Variants in CDH4 observed in about 807,000 individuals in gnomAD.
CDH4 encodes the protein cadherin-4.
Under a neutral mutation model 86.0 loss-of-function variants are expected in CDH4, and 33 were observed. The observed-to-expected ratio is 0.38, with a 90% CI of 0.29 to 0.51. The LOEUF is 0.51. Among genes scored for constraint, CDH4 ranks in the 20% least tolerant of loss-of-function variants. CDH4 has a pLI of 0.86. For missense variants in CDH4, 1,114 were observed against 1,307.4 expected (o/e 0.85, Z 2.28); for synonymous variants, 555 against 549.4 (o/e 1.01, Z -0.14).
chr20:61,403,030 C>T lies in CDH4; in HGVS notation c.169+148093C>T, dbSNP rs180953555. Among the ~76,000 whole-genome samples, 356 of 152,304 alleles carry T rather than the reference C, an allele frequency of 2.3e-3. 1 individual carries two copies. The highest frequency in any genetic ancestry group is 0.01 in the Middle Eastern group (3 of 294). On this transcript the variant is annotated intron_variant, in intron 2 of 15. Transcript: ENST00000614565. ...GCTGACCACTGTGATTAAGTGGAAA[C>T]ATTTTGTGGGACTTCCAGAAAGTTA...
At chr20:61,618,170 G>A (rs555138805) in intron 2 of CDH4, among the ~76,000 whole-genome samples, 61 of 152,164 alleles carry the variant, frequency 4.0e-4, no homozygotes, top group African/African-American at 9.9e-4. Flanking sequence ...TGCTGGCCTC[G>A]GCTGGGTGGC....
chr20:61,561,356 C>T (rs542603554), intron 2 of CDH4, among the ~76,000 whole-genome samples: 3 of 152,338 alleles, frequency 2.0e-5, no homozygotes, highest in South Asian at 2.1e-4. Context: ...GCGTCATCCC[C>T]GTTTTGCAGA....
intron 2 of CDH4, among the ~76,000 whole-genome samples, chr20:61,329,440 G>A (rs2084557692): frequency 1.1e-4 from 1 of 8,896 alleles, no homozygotes. Flanking sequence ...GGTCCTCATG[G>A]TCCCCCGTGG....
chr20:61,323,490 A>T (rs1306859676), intron 2 of CDH4, among the ~76,000 whole-genome samples: 1 of 152,150 alleles, frequency 6.6e-6, no homozygotes, highest in Non-Finnish European at 1.5e-5. Flanking sequence ...ACACAAAATA[A>T]TGTGTGATGC....
chr20:61,906,952 C>T (rs375845670), intron 8 of CDH4, among the ~76,000 whole-genome samples: 2 of 152,126 alleles, frequency 1.3e-5, no homozygotes, highest in African/African-American at 4.8e-5. Flanking sequence ...GCTCACTGGC[C>T]TTGAGTCCTC....
At chr20:61,600,037 T>A in intron 2 of CDH4, 1 of 811,674 alleles carries the variant, frequency 1.2e-6, no homozygotes, top group Non-Finnish European at 1.5e-6. Context: ...TATTATAATT[T>A]AAGAGCCTCT....
At chr20:61,768,225 A>G (rs562929879) in intron 3 of CDH4, among the ~76,000 whole-genome samples, 1 of 152,348 alleles carries the variant, frequency 6.6e-6, no homozygotes, top group African/African-American at 2.4e-5. Flanking sequence ...ACACATAAGC[A>G]ATGCGTACCT....
chr20:61,451,130 C>CG (rs35905347), intron 2 of CDH4, among the ~76,000 whole-genome samples: 1 of 39,862 alleles, frequency 2.5e-5, no homozygotes, highest in African/African-American at 6.0e-5. Flanking sequence ...ACGCCCCCCC[C>CG]CTTCCCTCCG....
intron 2 of CDH4, among the ~76,000 whole-genome samples, chr20:61,535,428 C>T (rs2085989130): frequency 6.6e-6 from 1 of 152,218 alleles, no homozygotes; most frequent in South Asian, 2.1e-4. Flanking sequence ...AACCCAGGTC[C>T]ATTTGTCGAG....
At chr20:61,403,566 A>G (rs2085062144) in intron 2 of CDH4, among the ~76,000 whole-genome samples, 1 of 152,094 alleles carries the variant, frequency 6.6e-6, no homozygotes, top group African/African-American at 2.4e-5. Flanking sequence ...TCATCGTGGA[A>G]AACATGCAGG....
At chr20:61,526,137 A>G (rs566729818) in intron 2 of CDH4, among the ~76,000 whole-genome samples, 7 of 151,918 alleles carry the variant, frequency 4.6e-5, no homozygotes, top group Admixed American at 1.3e-4. Flanking sequence ...CCGAGTCTCT[A>G]TGGGTCCCTC....
chr20:61,534,665 C>CTTTCTTT (rs1192776046), intron 2 of CDH4, among the ~76,000 whole-genome samples: 1 of 76,064 alleles, frequency 1.3e-5, no homozygotes. Flanking sequence ...TTCTTTCTTT[C>CTTTCTTT]TTTTTTTTTT....
intron 2 of CDH4, among the ~76,000 whole-genome samples, chr20:61,406,080 T>G (rs2085080294): frequency 6.6e-6 from 1 of 152,154 alleles, no homozygotes; most frequent in Admixed American, 6.5e-5. Context: ...GATCAAAATC[T>G]TCCACGTCTT....
chr20:61,524,909 A>T (rs2145632423), intron 2 of CDH4, among the ~76,000 whole-genome samples: 1 of 152,328 alleles, frequency 6.6e-6, no homozygotes, highest in Non-Finnish European at 1.5e-5. Flanking sequence ...AGAATCTCAT[A>T]CACAGAAGTG....
chr20:61,318,193 C>T (rs530638614), intron 2 of CDH4, among the ~76,000 whole-genome samples: 18 of 152,228 alleles, frequency 1.2e-4, no homozygotes, highest in East Asian at 5.8e-4. Context: ...TTAAACTGCC[C>T]GGCTCCTGTT....
chr20:61,890,210 G>A (rs1468744694), intron 7 of CDH4, among the ~76,000 whole-genome samples: 1 of 151,048 alleles, frequency 6.6e-6, no homozygotes, highest in African/African-American at 2.4e-5. Flanking sequence ...TGGATAGATG[G>A]ATGTTGGATG....
chr20:61,802,893 G>A (rs7272225), intron 4 of CDH4, among the ~76,000 whole-genome samples: 3,562 of 152,306 alleles, frequency 0.023, 132 homozygotes, highest in African/African-American at 0.08. Context: ...TGCCTTTTGC[G>A]GGATAGTCGC....
rs1555819716 is a variant in CDH4 at position 61,652,938 on chromosome 20, A to ATTTATTTTTTTTTTTTT, written c.170-90622_170-90621insATTTTTTTTTTTTTTTT. Among the ~76,000 whole-genome samples the ATTTATTTTTTTTTTTTT allele has an allele frequency of 1.1e-3, 109 of 97,242 alleles. 1 individual carries two copies. The highest frequency in any genetic ancestry group is 1.3e-3 in the African/African-American group (39 of 29,630). 63.8% of individuals were successfully genotyped at this position (97,242 alleles called of 152,430 possible). ...TTTGAATTTATTTATTTATTTATTT[A>ATTTATTTTTTTTTTTTT]TTTTTTTTTTTTTTTTTATTGATCA... On this transcript the variant is annotated intron_variant, in intron 2 of 15. Transcript: ENST00000614565.
chr20:61,593,593 G>A (rs74494037), intron 2 of CDH4, among the ~76,000 whole-genome samples: 1,563 of 152,330 alleles, frequency 0.01, 25 homozygotes, highest in African/African-American at 0.036. Flanking sequence ...TTTTCAGAAT[G>A]AGAGTCACTC....
Sources: allele counts gnomAD v4.1 joint callset (sites outside exome capture counted in the v4.1 genomes callset), GRCh38; gene constraint gnomAD v4.1.1; transcripts MANE v1.5; gene names NCBI Gene and HGNC (gene_info 2026-07-23, HGNC 2026-07-21).